ARHGEF38: variants seen among roughly 807,000 people sequenced by gnomAD.
ARHGEF38 encodes Rho guanine nucleotide exchange factor 38, also known as Rho guanine nucleotide exchange factor (GEF) 38.
Under a neutral mutation model 79.9 loss-of-function variants are expected in ARHGEF38, and 79 were observed. The observed-to-expected ratio is 0.99, with a 90% CI of 0.82 to 1.19. ARHGEF38 has a LOEUF of 1.19. ARHGEF38 is among the 50% of genes most tolerant of loss of function. The probability of loss-of-function intolerance (pLI) is 0.00; values close to 1 mark genes in which losing one functional copy is unlikely to be tolerated. For synonymous variants in ARHGEF38, 366 were observed against 328.3 expected (o/e 1.11, Z -1.24); for missense variants, 962 against 907.2 (o/e 1.06, Z -0.78).
At chr4:105,634,846 A>G (rs967956167) in intron 4 of ARHGEF38, among the ~76,000 whole-genome samples, 2 of 152,140 alleles carry the variant, frequency 1.3e-5, no homozygotes, top group Admixed American at 6.6e-5. Context: ...ACTTCTAGTC[A>G]TCTGGGCACT....
chr4:105,592,731 C>T (rs1480583054), intron 2 of ARHGEF38, among the ~76,000 whole-genome samples: 4 of 152,134 alleles, frequency 2.6e-5, no homozygotes, highest in African/African-American at 9.7e-5. Context: ...ATGTCAAACA[C>T]CCCTTTTTCT....
chr4:105,663,681 C>T (rs1194751838), intron 10 of ARHGEF38, among the ~76,000 whole-genome samples: 1 of 152,120 alleles, frequency 6.6e-6, no homozygotes, highest in Non-Finnish European at 1.5e-5. Context: ...ATAAAAAACA[C>T]ATTTTGGGCT....
chr4:105,675,463 T>G (rs1731087633), intron 13 of ARHGEF38, among the ~76,000 whole-genome samples: 1 of 152,232 alleles, frequency 6.6e-6, no homozygotes, highest in Non-Finnish European at 1.5e-5. Context: ...AATTTGACCA[T>G]GTTCATCAAT....
At position 105,655,666 on chromosome 4, in the gene ARHGEF38, G is replaced by T; in HGVS notation, c.1177G>T (p.Asp393Tyr). 2 of 1,535,768 alleles carry T rather than the reference G, an allele frequency of 1.3e-6. No individual in the cohort carries two copies. The highest frequency in any genetic ancestry group is 1.7e-6 in the Non-Finnish European group (2 of 1,146,642). ...TCAGGAGATTTCATACAACAAAGAC[G>T]ATGAGATGGACTATTCTGAGACCCT... ...DLQEISYNKD[D>Y]EMDYSETLSN... is the part of the protein sequence containing the mutation. The change falls in exon 9 of 14, where the codon GAT (aspartate) becomes TAT (tyrosine). Residue 393 changes from aspartate (D) to tyrosine (Y), a missense_variant. Physicochemically the swap from Asp to Tyr is radical, Grantham distance 160. Coordinates refer to ENST00000420470, the MANE Select transcript of ARHGEF38 (RefSeq NM_001242729.2).
chr4:105,637,719 C>A (rs1729455241), intron 5 of ARHGEF38, among the ~76,000 whole-genome samples: 1 of 151,934 alleles, frequency 6.6e-6, no homozygotes, highest in Non-Finnish European at 1.5e-5. Flanking sequence ...TCTTTGGAAC[C>A]AAGAAACAAG....
chr4:105,663,809 A>G (rs1157732732), intron 10 of ARHGEF38, among the ~76,000 whole-genome samples: 1 of 152,132 alleles, frequency 6.6e-6, no homozygotes, highest in Non-Finnish European at 1.5e-5. Flanking sequence ...GTCTCTACTA[A>G]AAATACAAAA....
chr4:105,661,885 T>C (rs76552657), intron 10 of ARHGEF38, among the ~76,000 whole-genome samples: 4,904 of 152,204 alleles, frequency 0.032, 115 homozygotes, highest in Non-Finnish European at 0.052. Context: ...TATTGATGAG[T>C]ATTTGATCTA....
intron 2 of ARHGEF38, among the ~76,000 whole-genome samples, chr4:105,596,549 T>A (rs1229187667): frequency 6.6e-6 from 1 of 152,160 alleles, no homozygotes; most frequent in Non-Finnish European, 1.5e-5. Context: ...TCAAAGACCA[T>A]AATACAATGA....
At chr4:105,612,352 A>G (rs910659914) in intron 2 of ARHGEF38, among the ~76,000 whole-genome samples, 5 of 151,998 alleles carry the variant, frequency 3.3e-5, no homozygotes, top group African/African-American at 1.2e-4. Flanking sequence ...TGTCTCTTTC[A>G]TTTCCCTAAC....
intron 1 of ARHGEF38, among the ~76,000 whole-genome samples, chr4:105,579,745 T>C (rs1560698188): frequency 6.6e-6 from 1 of 152,198 alleles, no homozygotes; most frequent in South Asian, 2.1e-4. Flanking sequence ...TCTGGCCTCA[T>C]AGCAGGAGTT....
intron 1 of ARHGEF38, among the ~76,000 whole-genome samples, chr4:105,553,554 T>C (rs1725105613): frequency 6.6e-6 from 1 of 152,232 alleles, no homozygotes; most frequent in Non-Finnish European, 1.5e-5. Context: ...AAGAAATGTT[T>C]AGCATGCTTA....
intron 8 of ARHGEF38, 43 bp downstream of exon 8, chr4:105,654,212 T>C: frequency 8.8e-7 from 1 of 1,134,302 alleles, no homozygotes; most frequent in Non-Finnish European, 1.2e-6. Flanking sequence ...CAGGAACATC[T>C]GATACAAACC....
rs555630463 is a variant in ARHGEF38, at chr4:105,613,652, T to C, written c.508+145T>C. The C allele has an allele frequency of 7.2e-6, 6 of 830,930 alleles. No individual in the cohort carries two copies. In the South Asian group the frequency reaches 1.1e-4, roughly 15 times the overall value. The allele number at this position is 830,930 out of a possible 1,614,324, so 51.5% of individuals were successfully genotyped here. A position where few individuals can be genotyped will look rare whatever the true frequency, so the allele number is the denominator to read the frequency against. ...AAACCCATCTTTGGGCTCATTGTGA[T>C]TATGCAGACTCTGTGTTTATTTTCA... On this transcript the variant is annotated intron_variant, in intron 3 of 13. Transcript: ENST00000420470.
intron 10 of ARHGEF38, among the ~76,000 whole-genome samples, chr4:105,665,707 A>T (rs1578362154): frequency 6.6e-6 from 1 of 152,184 alleles, no homozygotes; most frequent in Admixed American, 6.5e-5. Context: ...ATTGGCTGTG[A>T]TTACAGGCAT....
At chr4:105,584,569 C>T (rs904394007) in intron 1 of ARHGEF38, among the ~76,000 whole-genome samples, 38 of 152,234 alleles carry the variant, frequency 2.5e-4, no homozygotes, top group Non-Finnish European at 4.7e-4. Flanking sequence ...AGTTTGAACC[C>T]AGGCAGTCTG....
At chr4:105,558,816 C>CT (rs34981388) in intron 1 of ARHGEF38, among the ~76,000 whole-genome samples, 222 of 144,568 alleles carry the variant, frequency 1.5e-3, no homozygotes, top group African/African-American at 4.4e-3. Context: ...TCTAGTTGTG[C>CT]TTTTTTTTTT....
intron 1 of ARHGEF38, among the ~76,000 whole-genome samples, chr4:105,559,062 CCT>C (rs1029046251): frequency 1.4e-5 from 2 of 144,054 alleles, no homozygotes; most frequent in Admixed American, 1.4e-4. Flanking sequence ...AAAAAAAAAA[CCT>C]CTGTTTACAG....
Position 105,679,851 on chromosome 4 carries a change from G to C in ARHGEF38, c.*1914G>C. ...TCAATATCCTGAGGAGGAGAACTTTGAATCACCAGGTCAACTACAGGAATG... is the reference window on the plus strand; with the variant it reads ...TCAATATCCTGAGGAGGAGAACTTTCAATCACCAGGTCAACTACAGGAATG... On this transcript the variant is annotated 3_prime_UTR_variant, in exon 14 of 14. Transcript: ENST00000420470. The C allele has an allele frequency of 7.1e-7, 1 of 1,418,110 alleles. No individual in the cohort carries two copies. Among genetic ancestry groups the C allele is most frequent in the East Asian group, 2.3e-5 (1 of 43,754 alleles). The allele number at this position is 1,418,110 out of a possible 1,614,324, so 87.8% of individuals were successfully genotyped here. A position where few individuals can be genotyped will look rare whatever the true frequency, so the allele number is the denominator to read the frequency against.
chr4:105,596,509 A>G (rs921469326), intron 2 of ARHGEF38, among the ~76,000 whole-genome samples: 9 of 152,204 alleles, frequency 5.9e-5, no homozygotes, highest in African/African-American at 1.4e-4. Context: ...GGAGGGGAAT[A>G]TAGATGTACT....
Sources: allele counts gnomAD v4.1 joint callset (sites outside exome capture counted in the v4.1 genomes callset), GRCh38; gene constraint gnomAD v4.1.1; transcripts MANE v1.5; gene names NCBI Gene and HGNC (gene_info 2026-07-23, HGNC 2026-07-21).